The following PTGDS variants were observed in gnomAD, a reference collection of about 807,000 sequenced individuals.
PTGDS encodes the protein prostaglandin D2 synthase.
PTGDS carries 21 observed loss-of-function variants against 28.4 expected under a neutral mutation model. The observed-to-expected ratio is 0.74, with a 90% CI of 0.52 to 1.07. The LOEUF is 1.07. Ranked by LOEUF, PTGDS falls within the 50% of genes least tolerant of loss-of-function variation. PTGDS has a pLI of 0.00. For synonymous variants in PTGDS, 102 were observed against 106.0 expected (o/e 0.96, Z 0.23); for missense variants, 243 against 247.7 (o/e 0.98, Z 0.13).
chr9:136,980,190 C>G lies in PTGDS; in HGVS notation c.456C>G (p.Thr152=). The change falls in exon 5 of 7, where the codon ACC becomes ACG. Residue 152 remains threonine, a synonymous_variant. Transcript: ENST00000371625. ...DFRMATLYSR[T]QTPRAELKEK... is the part of the protein sequence containing the mutation. The stretch of plus-strand genomic sequence containing the variant: ...GTCTCCACCCTGTCCCAGGCCGAAC[C>G]CAGACCCCCAGGGCTGAGTTAAAGG... 6.2e-7 allele frequency: 1 copy of G among 1,613,816 alleles called. No individual in the cohort carries two copies.
At position 136,980,074 on chromosome 9, in the gene PTGDS, G is replaced by T. The variant is rs372776370; in HGVS notation, c.448+12G>T. Reference sequence around the variant, plus strand: ...GGCCACCCTCTACAGTACGTGCCCCGTGGACGCCGCCCACACGCAGGCCTG... The same window carrying T: ...GGCCACCCTCTACAGTACGTGCCCCTTGGACGCCGCCCACACGCAGGCCTG... On this transcript the variant is annotated intron_variant, in intron 4 of 6. Coordinates refer to ENST00000371625, the MANE Select transcript of PTGDS (RefSeq NM_000954.6). 2.5e-6 allele frequency: 4 copies of T among 1,608,650 alleles called. No individual in the cohort carries two copies. Among genetic ancestry groups the T allele is most frequent in the Non-Finnish European group, 3.4e-6 (4 of 1,177,554 alleles).
intron 2 of PTGDS, 28 bp from the exon 3 acceptor site, chr9:136,979,195 C>T: frequency 6.2e-7 from 1 of 1,613,140 alleles, no homozygotes; most frequent in South Asian, 1.1e-5. Context: ...CGGGCCTAAC[C>T]CCTGACCCTG....
intron 1 of PTGDS, among the ~76,000 whole-genome samples, chr9:136,978,604 G>GC (rs1830405308): frequency 7.4e-6 from 1 of 135,958 alleles, no homozygotes; most frequent in Non-Finnish European, 1.6e-5. Context: ...AGCTCCTAGG[G>GC]GGGCATGGGG....
rs373555075 is a variant in PTGDS, at chr9:136,979,998, C to T, written c.384C>T (p.Tyr128=). The part of the protein sequence containing the change: ...VSVVETDYDQ[Y]ALLYSQGSKG... Reference sequence around the variant, plus strand: ...TGGTGGAGACCGACTACGACCAGTACGCGCTGCTGTACAGCCAGGGCAGCA... The same window carrying T: ...TGGTGGAGACCGACTACGACCAGTATGCGCTGCTGTACAGCCAGGGCAGCA... Residue 128 remains tyrosine, a synonymous_variant, in exon 4 of 7, where the codon TAC becomes TAT. Transcript: ENST00000371625. The T allele has an allele frequency of 5.0e-6, 8 of 1,613,032 alleles. No homozygotes were observed. Among genetic ancestry groups the T allele is most frequent in the East Asian group, 2.2e-5 (1 of 44,886 alleles).
chr9:136,980,554 G>A, intron 5 of PTGDS: 3 of 1,142,398 alleles, frequency 2.6e-6, no homozygotes, highest in Non-Finnish European at 3.7e-6. Flanking sequence ...CTGGTGGGGG[G>A]CATAGGGTAG....
At position 136,979,097 on chromosome 9, in the gene PTGDS, G is replaced by A. The variant is rs1162881686; in HGVS notation, c.219G>A (p.Thr73=). 2.5e-6 allele frequency: 4 copies of A among 1,611,794 alleles called. No homozygotes were observed. Among genetic ancestry groups the A allele is most frequent in the African/African-American group, 1.3e-5 (1 of 74,848 alleles). ...SMCKSVVAPA[T]DGGLNLTSTF... ...GCAAGTCTGTGGTGGCCCCTGCCAC[G>A]GATGGTGGCCTCAACCTGACCTCCA... Residue 73 remains threonine (T), a synonymous_variant, in exon 2 of 7, where the codon ACG becomes ACA. Transcript: ENST00000371625.
chr9:136,977,855 C>T lies in PTGDS; in HGVS notation c.114+163C>T, dbSNP rs34273088. The stretch of plus-strand genomic sequence containing the variant: ...GCGCGCAGGAAGGAGGCTGGGTAGC[C>T]GCCCGAGGAGGCTGCCCGCGAGAAG... On this transcript the variant is annotated intron_variant, in intron 1 of 6. Coordinates refer to ENST00000371625, the MANE Select transcript of PTGDS (RefSeq NM_000954.6). Among the ~76,000 whole-genome samples, 741 of 92,124 alleles carry T rather than the reference C, an allele frequency of 8.0e-3. 6 individuals are homozygous for T. The highest frequency in any genetic ancestry group is 0.022 in the African/African-American group (696 of 31,988). The allele number at this position is 92,124 out of a possible 152,430, so 60.4% of individuals were successfully genotyped here.
chr9:136,977,802 C>G (rs903886956), intron 1 of PTGDS, 110 bp downstream of exon 1: 10 of 1,034,292 alleles, frequency 9.7e-6, no homozygotes, highest in African/African-American at 1.7e-5. Context: ...CCCGCAGTGC[C>G]GGGCAGTGCC....
chr9:136,981,346 C>A (rs1830446414), intron 6 of PTGDS, among the ~76,000 whole-genome samples: 1 of 152,018 alleles, frequency 6.6e-6, no homozygotes, highest in African/African-American at 2.4e-5. Flanking sequence ...AGGAGGGAGG[C>A]CTAGGCTGGA....
At chr9:136,977,925 GACA>G (rs1277643447) in intron 1 of PTGDS, among the ~76,000 whole-genome samples, 1 of 152,190 alleles carries the variant, frequency 6.6e-6, no homozygotes, top group East Asian at 1.9e-4. Flanking sequence ...GGGCCACGCA[GACA>G]CCGGGCCACA....
chr9:136,977,933 G>GC (rs1287860617), intron 1 of PTGDS, among the ~76,000 whole-genome samples: 1 of 152,198 alleles, frequency 6.6e-6, no homozygotes, highest in East Asian at 1.9e-4. Context: ...CAGACACCGG[G>GC]CCACACACGC....
At chr9:136,980,556 A>G in intron 5 of PTGDS, 1 of 1,160,492 alleles carries the variant, frequency 8.6e-7, no homozygotes. Flanking sequence ...GGTGGGGGGC[A>G]TAGGGTAGAG....
At chr9:136,980,908 C>T in intron 6 of PTGDS, 53 bp downstream of exon 6, 5 of 594,968 alleles carry the variant, frequency 8.4e-6, no homozygotes, top group Middle Eastern at 4.4e-4. Context: ...TCATTCAACA[C>T]ACATCCACCC....
In PTGDS at chr9:136,979,275, G is replaced by A. The variant is rs1036935326; in HGVS notation, c.307G>A (p.Gly103Ser). The change falls in exon 3 of 7, where the codon GGC becomes AGC. Residue 103 changes from glycine (G) to serine (S), a missense_variant. Transcript: ENST00000371625. Reference sequence around the variant, plus strand: ...GCTGCTGCAGCCCGCGGGGTCCCTCGGCTCCTACAGCTACCGGAGTCCCCG... The same window carrying A: ...GCTGCTGCAGCCCGCGGGGTCCCTCAGCTCCTACAGCTACCGGAGTCCCCG... ...TMLLQPAGSLGSYSYRSPHWG... is the reference protein window; with the variant it reads ...TMLLQPAGSLSSYSYRSPHWG... 1.2e-6 allele frequency: 2 copies of A among 1,611,608 alleles called. No homozygotes were observed. Among genetic ancestry groups the A allele is most frequent in the African/African-American group, 1.3e-5 (1 of 74,880 alleles).
At chr9:136,977,720 A>C in intron 1 of PTGDS, 28 bp downstream of exon 1, 2 of 1,530,822 alleles carry the variant, frequency 1.3e-6, no homozygotes, top group Non-Finnish European at 1.8e-6. Flanking sequence ...GTCATCCCCA[A>C]GGGCTACAGG....
intron 6 of PTGDS, 166 bp downstream of exon 6, chr9:136,981,021 G>A: frequency 2.0e-6 from 2 of 1,010,102 alleles, no homozygotes; most frequent in East Asian, 5.2e-5. Context: ...GAGACACTGG[G>A]GCTGCCCACA....
At chr9:136,979,372 C>G (rs762486976) in intron 3 of PTGDS, 73 bp downstream of exon 3, 63 of 1,581,184 alleles carry the variant, frequency 4.0e-5, no homozygotes, top group Non-Finnish European at 1.6e-5. Context: ...CTGGGCCAGC[C>G]CCCTGCCGCG....
chr9:136,980,300 C>G lies in PTGDS; in HGVS notation c.550+16C>G. 1 of 1,611,776 alleles carries G rather than the reference C, an allele frequency of 6.2e-7. No homozygotes were observed. Among genetic ancestry groups the G allele is most frequent in the Non-Finnish European group, 8.5e-7 (1 of 1,178,188 alleles). ...CCCCAAACCGGTGAGGGGTCCTAAT[C>G]TGATGGGGAGAGGATCAAGGTCAGA... On this transcript the variant is annotated intron_variant, in intron 5 of 6. Coordinates refer to ENST00000371625, the MANE Select transcript of PTGDS (RefSeq NM_000954.6).
At chr9:136,979,745 C>G in intron 3 of PTGDS, 1 of 651,126 alleles carries the variant, frequency 1.5e-6, no homozygotes, top group Non-Finnish European at 2.7e-6. Context: ...CCTGGCTCCC[C>G]CAGATTCTGG....
Sources: gnomAD v4.1 joint callset for allele counts (sites outside exome capture counted in the v4.1 genomes callset) on GRCh38, gnomAD v4.1.1 for gene constraint, MANE v1.5 for transcripts, NCBI Gene and HGNC (gene_info 2026-07-23, HGNC 2026-07-21) for gene names.